The following RPH3AL variants were observed in gnomAD, a reference collection of about 807,000 sequenced individuals.
RPH3AL encodes the protein rab effector Noc2.
A neutral mutation model predicts 43.1 loss-of-function variants in RPH3AL; 38 were observed. That is an observed-to-expected ratio of 0.88 (90% CI 0.68 to 1.15). The LOEUF (loss-of-function observed/expected upper bound fraction) is 1.15, where lower values mean the gene tolerates loss of function less well. Ranked by LOEUF, RPH3AL falls within the 50% of genes most tolerant of loss-of-function variation. RPH3AL has a pLI of 0.00. For missense variants in RPH3AL, 462 were observed against 423.2 expected (o/e 1.09, Z -0.81); for synonymous variants, 189 against 176.3 (o/e 1.07, Z -0.57).
chr17:350,788 G>A (rs891578023), intron 1 of RPH3AL, among the ~76,000 whole-genome samples: 1 of 152,218 alleles, frequency 6.6e-6, no homozygotes, highest in African/African-American at 2.4e-5. Context: ...AGGCCCTGAT[G>A]ATGGATGAAA....
intron 1 of RPH3AL, among the ~76,000 whole-genome samples, chr17:350,579 C>G (rs557078165): frequency 2.5e-4 from 38 of 152,256 alleles, no homozygotes; most frequent in Non-Finnish European, 3.5e-4. Context: ...CCAGTGCACT[C>G]TAGCTGGTGA....
chr17:302,875 G>C (rs72806050), intron 5 of RPH3AL, among the ~76,000 whole-genome samples: 24,457 of 152,262 alleles, frequency 0.16, 2,581 homozygotes, highest in Non-Finnish European at 0.24. Flanking sequence ...ATTTGTGTGA[G>C]TGCGAAGAGA....
chr17:269,032 C>T (rs888461234), intron 6 of RPH3AL, among the ~76,000 whole-genome samples: 2 of 152,182 alleles, frequency 1.3e-5, no homozygotes, highest in Admixed American at 6.5e-5. Context: ...GCGCCCGCCA[C>T]CACGCCTGGC....
Position 246,337 on chromosome 17 carries a change from C to T in RPH3AL, c.613+774G>A, listed in dbSNP as rs1289002403. On this transcript the variant is annotated intron_variant, in intron 7 of 9. Coordinates refer to ENST00000331302, the MANE Select transcript of RPH3AL (RefSeq NM_006987.4). The surrounding 1 kb of genome is among the most constrained non-coding windows in gnomAD (Gnocchi z 4.8). ...TCAGACCCTGAGTATTTGGCAGAAA[C>T]GTGAGCACTTCAGAGCAAAAGGACC... Among the ~76,000 whole-genome samples the T allele has an allele frequency of 6.6e-6, 1 of 152,048 alleles. No homozygotes were observed. Among genetic ancestry groups the T allele is most frequent in the Non-Finnish European group, 1.5e-5 (1 of 68,014 alleles).
At position 327,562 on chromosome 17, in the gene RPH3AL, G is replaced by T. The variant is rs1374183681; in HGVS notation, c.-19C>A. 1.2e-6 allele frequency: 2 copies of T among 1,612,072 alleles called. No homozygotes were observed. Among genetic ancestry groups the T allele is most frequent in the Non-Finnish European group, 1.7e-6 (2 of 1,178,982 alleles). On this transcript the variant is annotated 5_prime_UTR_variant, in exon 3 of 10. Transcript: ENST00000331302. Reference sequence around the variant, plus strand: ...CGGCCATGGCTCGGAGCACCCGGCTGGGGGTGGGGAGTCACATCTGAGATG... The same window carrying T: ...CGGCCATGGCTCGGAGCACCCGGCTTGGGGTGGGGAGTCACATCTGAGATG...
At chr17:259,174 CCAGCATGG>C (rs1417432859) in intron 6 of RPH3AL, among the ~76,000 whole-genome samples, 1 of 152,186 alleles carries the variant, frequency 6.6e-6, no homozygotes, top group African/African-American at 2.4e-5. Flanking sequence ...CCCTGACCAT[CCAGCATGG>C]CTGGTGATCT....
intron 6 of RPH3AL, among the ~76,000 whole-genome samples, chr17:259,058 A>T (rs9906110): frequency 0.19 from 28,448 of 152,144 alleles, 2,724 homozygotes; most frequent in African/African-American, 0.22. Flanking sequence ...TGTGGGCAGG[A>T]CCATGAGCAC....
intron 5 of RPH3AL, among the ~76,000 whole-genome samples, chr17:298,672 T>C (rs763991532): frequency 3.2e-3 from 473 of 150,084 alleles, no homozygotes; most frequent in Non-Finnish European, 5.3e-3. Context: ...GCCACTGCGC[T>C]CCAGCCTGGG....
intron 5 of RPH3AL, among the ~76,000 whole-genome samples, chr17:293,615 C>T (rs901610412): frequency 6.6e-6 from 1 of 152,172 alleles, no homozygotes; most frequent in Non-Finnish European, 1.5e-5. Flanking sequence ...TTTGAGCCAT[C>T]GAGAACTGGG....
chr17:280,744 A>G (rs1159381309), intron 6 of RPH3AL, among the ~76,000 whole-genome samples: 5 of 152,190 alleles, frequency 3.3e-5, no homozygotes, highest in Non-Finnish European at 5.9e-5. Flanking sequence ...AGGACCACAG[A>G]AAGATAAAGA....
At chr17:305,810 C>T (rs1205064439) in intron 5 of RPH3AL, among the ~76,000 whole-genome samples, 1 of 152,054 alleles carries the variant, frequency 6.6e-6, no homozygotes, top group African/African-American at 2.4e-5. Context: ...CGCCTCTGAG[C>T]TGCCAGCCTC....
intron 7 of RPH3AL, among the ~76,000 whole-genome samples, chr17:235,553 GGT>G (rs2041356633): frequency 6.9e-6 from 1 of 145,554 alleles, no homozygotes; most frequent in Non-Finnish European, 1.5e-5. Context: ...ACGGGTCCCG[GGT>G]TCAAAGCTGG....
chr17:212,732 G>A lies in RPH3AL; in HGVS notation c.*1120C>T, dbSNP rs1418447907. Reference sequence around the variant, plus strand: ...ACACACGTTCTCTCTCTTCAGGGAAGGGTTTTCCAGAAGCATTTGCCCATA... The same window carrying A: ...ACACACGTTCTCTCTCTTCAGGGAAAGGTTTTCCAGAAGCATTTGCCCATA... On this transcript the variant is annotated 3_prime_UTR_variant, in exon 10 of 10. Coordinates refer to ENST00000331302, the MANE Select transcript of RPH3AL (RefSeq NM_006987.4). The A allele has an allele frequency of 1.3e-5, 2 of 151,916 alleles. No individual in the cohort carries two copies. The highest frequency in any genetic ancestry group is 4.8e-5 in the African/African-American group (2 of 41,318). The allele number at this position is 151,916 out of a possible 1,614,324, so 9.4% of individuals were successfully genotyped here. A position where few individuals can be genotyped will look rare whatever the true frequency, so the allele number is the denominator to read the frequency against.
intron 8 of RPH3AL, among the ~76,000 whole-genome samples, chr17:218,968 G>T (rs541392044): frequency 6.6e-5 from 10 of 152,220 alleles, no homozygotes; most frequent in African/African-American, 2.4e-4. Context: ...GTGGGCATGG[G>T]AGGAGTCCCA....
At chr17:305,323 C>A (rs574327989) in intron 5 of RPH3AL, among the ~76,000 whole-genome samples, 29 of 152,110 alleles carry the variant, frequency 1.9e-4, no homozygotes, top group African/African-American at 6.5e-4. Flanking sequence ...CAGCCCTCAG[C>A]CTGCACCTGC....
At chr17:262,424 C>T (rs868987372) in intron 6 of RPH3AL, among the ~76,000 whole-genome samples, 21 of 152,282 alleles carry the variant, frequency 1.4e-4, no homozygotes, top group African/African-American at 3.4e-4. Flanking sequence ...CCATGTTCGC[C>T]GGGCTGGTCT....
chr17:331,550 C>T (rs762699641), intron 2 of RPH3AL: 25 of 1,260,886 alleles, frequency 2.0e-5, no homozygotes, highest in South Asian at 2.0e-4. Flanking sequence ...GGAGCAACCT[C>T]GGGACAGATG....
chr17:238,209 GAGGA>G lies in RPH3AL; in HGVS notation c.613+8898_613+8901del, dbSNP rs771295137. On this transcript the variant is annotated intron_variant, in intron 7 of 9. Coordinates refer to ENST00000331302, the MANE Select transcript of RPH3AL (RefSeq NM_006987.4). The stretch of plus-strand genomic sequence containing the variant: ...AAAGAAAGGAAGGAAGAGAAAGGAA[GAGGA>G]AGGAAGGAAGGAGAAAAGAAAAGAG... 7.4e-4 allele frequency among the ~76,000 whole-genome samples: 112 copies of G among 150,448 alleles called. 1 individual carries two copies. Among genetic ancestry groups the G allele is most frequent in the Non-Finnish European group, 1.4e-3 (98 of 67,708 alleles).
chr17:337,703 C>CA (rs1411233157), intron 1 of RPH3AL, among the ~76,000 whole-genome samples: 1 of 152,262 alleles, frequency 6.6e-6, no homozygotes, highest in African/African-American at 2.4e-5. Flanking sequence ...TCAACACACA[C>CA]ACGCTGGGTG....
Sources: allele counts gnomAD v4.1 joint callset (sites outside exome capture counted in the v4.1 genomes callset), GRCh38; gene constraint gnomAD v4.1.1; non-coding constraint Gnocchi (gnomAD v3.1); transcripts MANE v1.5; gene names NCBI Gene and HGNC (gene_info 2026-07-23, HGNC 2026-07-21).